Variants in NCF4 observed in about 807,000 individuals in gnomAD.
The protein encoded by NCF4 is neutrophil cytosol factor 4.
A neutral mutation model predicts 41.7 loss-of-function variants in NCF4; 30 were observed. That is an observed-to-expected ratio of 0.72 (90% CI 0.54 to 0.97). NCF4 has a LOEUF of 0.97. NCF4 is among the 50% of genes least tolerant of loss of function. The probability of loss-of-function intolerance (pLI) is 0.00; values close to 1 mark genes in which losing one functional copy is unlikely to be tolerated. For missense variants in NCF4, 432 were observed against 460.9 expected (o/e 0.94, Z 0.57); for synonymous variants, 195 against 175.8 (o/e 1.11, Z -0.87).
At chr22:36,864,177 C>A in intron 2 of NCF4, 48 bp downstream of exon 2, 1 of 1,478,918 alleles carries the variant, frequency 6.8e-7, no homozygotes, top group South Asian at 1.1e-5. Context: ...GAACTTCCAC[C>A]CAGCTGACCT....
intron 4 of NCF4, 44 bp downstream of exon 4, chr22:36,867,506 G>C: frequency 1.2e-6 from 2 of 1,602,802 alleles, no homozygotes; most frequent in Non-Finnish European, 1.7e-6. Flanking sequence ...AGGGCATGCA[G>C]TATTGGTGGG....
In NCF4 at chr22:36,865,151, T is replaced by A; in HGVS notation, c.271+79T>A. 3 of 1,575,354 alleles carry A rather than the reference T, an allele frequency of 1.9e-6. No individual in the cohort carries two copies. Among genetic ancestry groups the A allele is most frequent in the Non-Finnish European group, 2.6e-6 (3 of 1,161,208 alleles). ...CAGGGCCCCTGACACTGTTCTGTGA[T>A]TTGATCTCAACCCCAGTGAAAACTG... On this transcript the variant is annotated intron_variant, in intron 3 of 9. Coordinates refer to ENST00000248899, the MANE Select transcript of NCF4 (RefSeq NM_000631.5). The surrounding 1 kb of genome is among the most constrained non-coding windows in gnomAD (Gnocchi z 4.3).
In NCF4 at chr22:36,871,725, A is replaced by G. The variant is rs2072708; in HGVS notation, c.528+16A>G. 0.71 allele frequency: 1,110,183 copies of G among 1,554,170 alleles called. 400,398 individuals are homozygous for G. Among genetic ancestry groups the G allele is most frequent in the Admixed American group, 0.77 (39,690 of 51,392 alleles). ...GAGAGCAGAGGTAACCCCCGCCCCC[A>G]CGCTGGCCAGGCTCTCACACTGTGG... is the stretch of plus-strand genomic sequence containing the variant. On this transcript the variant is annotated intron_variant, in intron 6 of 9. Coordinates refer to ENST00000248899, the MANE Select transcript of NCF4 (RefSeq NM_000631.5).
intron 1 of NCF4, among the ~76,000 whole-genome samples, chr22:36,862,958 G>T (rs984827160): frequency 1.6e-4 from 24 of 152,144 alleles, no homozygotes; most frequent in Non-Finnish European, 1.3e-4. Flanking sequence ...CCCAGGCCAG[G>T]CTCCAAAGTC....
chr22:36,871,759 C>T, intron 6 of NCF4, 50 bp downstream of exon 6: 2 of 1,537,190 alleles, frequency 1.3e-6, no homozygotes, highest in East Asian at 2.4e-5. Context: ...GGGCATCTGC[C>T]TTGGCCCACC....
intron 7 of NCF4, among the ~76,000 whole-genome samples, chr22:36,873,513 GCCCTGGAGA>G (rs1940129631): frequency 6.6e-6 from 1 of 151,976 alleles, no homozygotes; most frequent in South Asian, 2.1e-4. Flanking sequence ...TCTGAGGATA[GCCCTGGAGA>G]TCCAGGCAGG....
rs777426455 is a variant in NCF4 at position 36,865,030 on chromosome 22, A to G, written c.229A>G (p.Ser77Gly). 2.5e-6 allele frequency: 4 copies of G among 1,613,472 alleles called. No individual in the cohort carries two copies. In the Admixed American group the frequency reaches 5.0e-5, roughly 20 times the overall value. The change falls in exon 3 of 10, where the codon AGC (serine) becomes GGC (glycine). Residue 77 changes from serine (S) to glycine (G), a missense_variant. Coordinates refer to ENST00000248899, the MANE Select transcript of NCF4 (RefSeq NM_000631.5). The surrounding 1 kb of genome is among the most constrained non-coding windows in gnomAD (Gnocchi z 4.3). ...GCTGGAGGAGCGCTTCGGGCCAGAC[A>G]GCAAGAGCAGTGCCCTGGCCTGTAC... ...SKLEERFGPD[S>G]KSSALACTLP...
intron 1 of NCF4, among the ~76,000 whole-genome samples, chr22:36,862,216 C>T (rs2145698684): frequency 6.6e-6 from 1 of 152,348 alleles, no homozygotes; most frequent in Non-Finnish European, 1.5e-5. Context: ...AGGGGGTCAC[C>T]AGAGACAGGC....
chr22:36,873,860 G>A (rs372394750), intron 7 of NCF4, among the ~76,000 whole-genome samples: 2 of 78,290 alleles, frequency 2.6e-5, no homozygotes, highest in East Asian at 3.6e-4. Flanking sequence ...GGGTGAAATC[G>A]CAACCACTTG....
intron 2 of NCF4, among the ~76,000 whole-genome samples, chr22:36,864,427 C>A (rs1939872204): frequency 6.6e-6 from 1 of 152,216 alleles, no homozygotes; most frequent in African/African-American, 2.4e-5. Flanking sequence ...CAGCATAATA[C>A]TAAGATTGAG....
intron 2 of NCF4, among the ~76,000 whole-genome samples, chr22:36,864,516 A>G (rs1939875251): frequency 6.6e-6 from 1 of 151,968 alleles, no homozygotes; most frequent in South Asian, 2.1e-4. Flanking sequence ...TGCCCCCACA[A>G]CACCCCTGTC....
rs34666073 is a variant in NCF4, at chr22:36,865,292, C to G, written c.271+220C>G. 6.4e-3 allele frequency among the ~76,000 whole-genome samples: 971 copies of G among 152,256 alleles called. 10 individuals carry two copies. The highest frequency in any genetic ancestry group is 0.022 in the African/African-American group (920 of 41,540). On this transcript the variant is annotated intron_variant, in intron 3 of 9. Transcript: ENST00000248899. The surrounding 1 kb of genome is among the most constrained non-coding windows in gnomAD (Gnocchi z 4.3). ...CCCAAGCACTCTAGCCTCACAGCCCCGGAGCTCTGATGACCATCGTGGCCA... is the reference window on the plus strand; with the variant it reads ...CCCAAGCACTCTAGCCTCACAGCCCGGGAGCTCTGATGACCATCGTGGCCA...
At chr22:36,870,591 T>A in intron 5 of NCF4, 49 bp downstream of exon 5, 1 of 1,601,320 alleles carries the variant, frequency 6.2e-7, no homozygotes. Context: ...CCTGGGTCCC[T>A]GCTGGAAAAG....
At chr22:36,862,980 C>T (rs1016321908) in intron 1 of NCF4, among the ~76,000 whole-genome samples, 41 of 152,286 alleles carry the variant, frequency 2.7e-4, no homozygotes, top group African/African-American at 5.3e-4. Context: ...GTGAACTGTG[C>T]GAGTGTGTCT....
In NCF4 at chr22:36,865,043, C is replaced by T. The variant is rs780484949; in HGVS notation, c.242C>T (p.Ala81Val). ...ERFGPDSKSS[A>V]LACTLPTLPA... ...TTCGGGCCAGACAGCAAGAGCAGTGCCCTGGCCTGTACCCTGCCCACACTC... is the reference window on the plus strand; with the variant it reads ...TTCGGGCCAGACAGCAAGAGCAGTGTCCTGGCCTGTACCCTGCCCACACTC... The change falls in exon 3 of 10, where the codon GCC becomes GTC. Residue 81 changes from alanine to valine, a missense_variant. Ala to Val is a moderately conservative substitution (Grantham distance 64). Transcript: ENST00000248899. The surrounding 1 kb of genome is among the most constrained non-coding windows in gnomAD (Gnocchi z 4.3). 1.2e-6 allele frequency: 2 copies of T among 1,612,874 alleles called. No homozygotes were observed. Among genetic ancestry groups the T allele is most frequent in the South Asian group, 1.1e-5 (1 of 91,082 alleles).
At position 36,876,022 on chromosome 22, in the gene NCF4, C is replaced by G. The variant is rs146292447; in HGVS notation, c.759-7C>G. The G allele has an allele frequency of 6.2e-7, 1 of 1,613,536 alleles. No homozygotes were observed. Among genetic ancestry groups the G allele is most frequent in the Non-Finnish European group, 8.5e-7 (1 of 1,179,522 alleles). On this transcript the variant is annotated splice_region_variant and splice_polypyrimidine_tract_variant and intron_variant, in intron 8 of 9. Coordinates refer to ENST00000248899, the MANE Select transcript of NCF4 (RefSeq NM_000631.5). ...TGCCTCCTTACTCCAGCCTGTCACC[C>G]CCTTAGGGACATCGCGGTGGAGGAA...
chr22:36,868,807 G>A (rs1358926744), intron 4 of NCF4, among the ~76,000 whole-genome samples: 1 of 152,190 alleles, frequency 6.6e-6, no homozygotes, highest in Non-Finnish European at 1.5e-5. Flanking sequence ...CTGGAAGCCA[G>A]AGATCATTCA....
At chr22:36,862,391 AGGCT>A (rs2145699080) in intron 1 of NCF4, among the ~76,000 whole-genome samples, 1 of 152,296 alleles carries the variant, frequency 6.6e-6, no homozygotes, top group South Asian at 2.1e-4. Context: ...GAGCTGGGTA[AGGCT>A]GGCCGACCTG....
intron 7 of NCF4, among the ~76,000 whole-genome samples, chr22:36,872,643 A>G (rs1457616536): frequency 5.0e-3 from 67 of 13,506 alleles, no homozygotes; most frequent in Middle Eastern, 0.036. Context: ...GGGTGGAGGT[A>G]AGAGTGGAGA....
Sources: gnomAD v4.1 joint callset for allele counts (sites outside exome capture counted in the v4.1 genomes callset) on GRCh38, gnomAD v4.1.1 for gene constraint, Gnocchi (gnomAD v3.1) non-coding constraint, MANE v1.5 for transcripts, NCBI Gene and HGNC (gene_info 2026-07-23, HGNC 2026-07-21) for gene names.